The following DCAF11 variants were observed in gnomAD, a reference collection of about 807,000 sequenced individuals.
The protein encoded by DCAF11 is DDB1- and CUL4-associated factor 11.
In DCAF11, 44 loss-of-function variants were observed where a neutral mutation model predicts 76.1. The observed-to-expected ratio is 0.58, with a 90% CI of 0.45 to 0.74. DCAF11 has a LOEUF of 0.74. Among genes scored for constraint, DCAF11 ranks in the 30% least tolerant of loss-of-function variants. The pLI is 0.00. For synonymous variants in DCAF11, 258 were observed against 255.0 expected, an observed-to-expected ratio of 1.01 and a Z score of -0.11; for missense variants, 604 against 709.4, an observed-to-expected ratio of 0.85 and a Z score of 1.69.
chr14:24,118,821 C>G lies in DCAF11; in HGVS notation c.779+17C>G. ...GGATCTCAGGTACTGGCTTCCCTTT[C>G]TGGTCAGACTCATCAGAAACTTCTC... On this transcript the variant is annotated intron_variant, in intron 8 of 14. Transcript: ENST00000446197. The G allele has an allele frequency of 6.2e-7, 1 of 1,613,738 alleles. No homozygotes were observed. The highest frequency in any genetic ancestry group is 8.5e-7 in the Non-Finnish European group (1 of 1,179,744).
Position 24,117,394 on chromosome 14 carries a change from G to A in DCAF11, c.411+1G>A. The A allele has an allele frequency of 6.2e-7, 1 of 1,614,192 alleles. No individual in the cohort carries two copies. Among genetic ancestry groups the A allele is most frequent in the Non-Finnish European group, 8.5e-7 (1 of 1,180,022 alleles). ...CAGCTTTCCTCGAATGTTGCACCAGGTAGGCCTCTCCACCTCCCAGCCTGG... is the reference window on the plus strand; with the variant it reads ...CAGCTTTCCTCGAATGTTGCACCAGATAGGCCTCTCCACCTCCCAGCCTGG... On this transcript the variant is annotated splice_donor_variant, in intron 4 of 14. Coordinates refer to ENST00000446197, the MANE Select transcript of DCAF11 (RefSeq NM_025230.5). LOFTEE classifies it high-confidence loss of function. The surrounding 1 kb of genome is among the most constrained non-coding windows in gnomAD (Gnocchi z 4.3).
Position 24,115,106 on chromosome 14 carries a change from C to A in DCAF11, c.-401C>A, listed in dbSNP as rs2139006554. ...TGCTGCCGGCCTTTGTAAGGGGGCGCTCTGATTGGTCGATAAGGTGGGGGC... is the reference window on the plus strand; with the variant it reads ...TGCTGCCGGCCTTTGTAAGGGGGCGATCTGATTGGTCGATAAGGTGGGGGC... On this transcript the variant is annotated 5_prime_UTR_variant, in exon 1 of 15. Coordinates refer to ENST00000446197, the MANE Select transcript of DCAF11 (RefSeq NM_025230.5). 1.3e-6 allele frequency: 1 copy of A among 794,780 alleles called. No individual in the cohort carries two copies. The highest frequency in any genetic ancestry group is 1.5e-6 in the Non-Finnish European group (1 of 655,388). 49.2% of individuals were successfully genotyped at this position (794,780 alleles called of 1,614,324 possible).
chr14:24,119,837 C>T lies in DCAF11; in HGVS notation c.1033C>T (p.Pro345Ser). The T allele has an allele frequency of 6.2e-7, 1 of 1,614,102 alleles. No individual in the cohort carries two copies. The highest frequency in any genetic ancestry group is 8.5e-7 in the Non-Finnish European group (1 of 1,180,004). ...TCGACGCACCATGCGGGAGGATGAC[C>T]CCAAGCCTGTGGGTGCACTGGCTGG... Reference protein sequence around the residue: ...WDRRTMREDDPKPVGALAGHQ... With the variant: ...WDRRTMREDDSKPVGALAGHQ... Residue 345 changes from proline to serine, a missense_variant, in exon 11 of 15, where the codon CCC becomes TCC. By Grantham distance (74) the Pro-to-Ser change is moderately conservative. Coordinates refer to ENST00000446197, the MANE Select transcript of DCAF11 (RefSeq NM_025230.5).
chr14:24,120,034 G>A lies in DCAF11; in HGVS notation c.1092+138G>A, dbSNP rs535110190. 10 of 1,117,764 alleles carry A rather than the reference G, an allele frequency of 8.9e-6. No individual in the cohort carries two copies. The East Asian group carries it at 2.6e-4, about 29-fold the overall frequency. 69.2% of individuals were successfully genotyped at this position (1,117,764 alleles called of 1,614,324 possible). A position where few individuals can be genotyped will look rare whatever the true frequency, so the allele number is the denominator to read the frequency against. ...GTAAGAGTTGGAGTTTAGGGAAGGG[G>A]CTCAAGCCAGGGAACATGAATTCCA... On this transcript the variant is annotated intron_variant, in intron 11 of 14. Coordinates refer to ENST00000446197, the MANE Select transcript of DCAF11 (RefSeq NM_025230.5).
rs1594331223 is a variant in DCAF11, at chr14:24,115,520, G to A, written c.-75G>A. On this transcript the variant is annotated 5_prime_UTR_variant, in exon 2 of 15. Coordinates refer to ENST00000446197, the MANE Select transcript of DCAF11 (RefSeq NM_025230.5). ...GGAGACCCTGGTATTTCTAGAGCAC[G>A]CTTTGCTTTCACCAAACCCAAGGAG... 5.2e-6 allele frequency: 8 copies of A among 1,524,106 alleles called. No homozygotes were observed. The highest frequency in any genetic ancestry group is 7.0e-6 in the Non-Finnish European group (8 of 1,137,280). The allele number at this position is 1,524,106 out of a possible 1,614,324, so 94.4% of individuals were successfully genotyped here.
In DCAF11 at chr14:24,114,978, C is replaced by T. The variant is rs2037508596; in HGVS notation, c.-529C>T. 1.0e-6 allele frequency: 1 copy of T among 985,848 alleles called. No homozygotes were observed. The allele number at this position is 985,848 out of a possible 1,614,324, so 61.1% of individuals were successfully genotyped here. ...GCCGGCTTCAGTGGGAGGTGCTTCTCGGCTTCCTCCCCCTCATGGCGTACA... is the reference window on the plus strand; with the variant it reads ...GCCGGCTTCAGTGGGAGGTGCTTCTTGGCTTCCTCCCCCTCATGGCGTACA... On this transcript the variant is annotated 5_prime_UTR_variant, in exon 1 of 15. Transcript: ENST00000446197.
chr14:24,119,240 T>A (rs1236854923), intron 9 of DCAF11, 27 bp downstream of exon 9: 3 of 1,613,520 alleles, frequency 1.9e-6, no homozygotes, highest in African/African-American at 1.3e-5. Context: ...TATGTTTCCC[T>A]CAATAACAAG....
At position 24,117,331 on chromosome 14, in the gene DCAF11, A is replaced by G. The variant is rs1456626939; in HGVS notation, c.349A>G (p.Thr117Ala). 20 of 1,614,134 alleles carry G rather than the reference A, an allele frequency of 1.2e-5. No homozygotes were observed. The highest frequency in any genetic ancestry group is 1.6e-5 in the Non-Finnish European group (19 of 1,180,050). ...NEIKTQVELA[T>A]GQLGLRRAAQ... ...GATCAAGACACAAGTGGAACTGGCCACAGGGCAGCTGGGGCTTAGGCGGGC... is the reference window on the plus strand; with the variant it reads ...GATCAAGACACAAGTGGAACTGGCCGCAGGGCAGCTGGGGCTTAGGCGGGC... The change falls in exon 4 of 15, where the codon ACA becomes GCA. Residue 117 changes from threonine to alanine, a missense_variant. Thr to Ala is a moderately conservative substitution (Grantham distance 58). Transcript: ENST00000446197. The surrounding 1 kb of genome is among the most constrained non-coding windows in gnomAD (Gnocchi z 4.3).
In DCAF11 at chr14:24,121,445, T is replaced by G. The variant is rs1210538041; in HGVS notation, c.1327T>G (p.Cys443Gly). The G allele has an allele frequency of 6.2e-7, 1 of 1,614,212 alleles. No homozygotes were observed. The highest frequency in any genetic ancestry group is 8.5e-7 in the Non-Finnish European group (1 of 1,180,042). Reference protein sequence around the residue: ...GHGVLHTLIRCRFSPIHSTGQ... With the variant: ...GHGVLHTLIRGRFSPIHSTGQ... ...CGGAGTGCTGCACACCCTCATCCGC[T>G]GCCGGTTCTCCCCCATTCATAGCAC... The change falls in exon 13 of 15, where the codon TGC becomes GGC. Residue 443 changes from cysteine (C) to glycine (G), a missense_variant. Physicochemically the swap from Cys to Gly is radical, Grantham distance 159 (BLOSUM62 -3). Coordinates refer to ENST00000446197, the MANE Select transcript of DCAF11 (RefSeq NM_025230.5).
In DCAF11 at chr14:24,119,227, G is replaced by T. The variant is rs1316076664; in HGVS notation, c.848+14G>T. 1.2e-6 allele frequency: 2 copies of T among 1,613,960 alleles called. No homozygotes were observed. The highest frequency in any genetic ancestry group is 1.7e-6 in the Non-Finnish European group (2 of 1,180,000). On this transcript the variant is annotated intron_variant, in intron 9 of 14. Transcript: ENST00000446197. Reference sequence around the variant, plus strand: ...AGTACTAGGAGGGTAAGTGCTTGTGGGGTATGTTTCCCTCAATAACAAGAT... The same window carrying T: ...AGTACTAGGAGGGTAAGTGCTTGTGTGGTATGTTTCCCTCAATAACAAGAT...
Position 24,117,974 on chromosome 14 carries a change from C to T in DCAF11, c.477-81C>T, listed in dbSNP as rs938961445. ...AGGGAAGAATGACTGTTCTGATATT[C>T]CAGCTCTGTTAGGATTCTGCTGATT... On this transcript the variant is annotated intron_variant, in intron 5 of 14. Transcript: ENST00000446197. This position sits in a 1 kb window ranked among gnomAD's most constrained non-coding sequence, Gnocchi z 4.3. 3.7e-6 allele frequency: 4 copies of T among 1,067,376 alleles called. No homozygotes were observed. Among genetic ancestry groups the T allele is most frequent in the Non-Finnish European group, 4.2e-6 (3 of 716,066 alleles). 66.1% of individuals were successfully genotyped at this position (1,067,376 alleles called of 1,614,324 possible).
chr14:24,119,161 T>C lies in DCAF11; in HGVS notation c.796T>C (p.Phe266Leu). The C allele has an allele frequency of 6.2e-7, 1 of 1,614,182 alleles. No individual in the cohort carries two copies. The highest frequency in any genetic ancestry group is 8.5e-7 in the Non-Finnish European group (1 of 1,180,018). Residue 266 changes from phenylalanine to leucine, a missense_variant, in exon 9 of 15, where the codon TTT (phenylalanine) becomes CTT (leucine). Physicochemically the swap from Phe to Leu is conservative, Grantham distance 22. Transcript: ENST00000446197. The stretch of plus-strand genomic sequence containing the variant: ...TGCTTTTAGGCCAGATGAGCGTCGC[T>C]TTGCTGTCTTCTCCATTGCTGTCTC... The part of the protein sequence containing the change: ...ALDLRPDERR[F>L]AVFSIAVSSD...
At chr14:24,119,051 C>T (rs2037639271) in intron 8 of DCAF11, 94 bp from the exon 9 acceptor site, 2 of 1,519,612 alleles carry the variant, frequency 1.3e-6, no homozygotes, top group South Asian at 1.1e-5. Context: ...TTCTTTTTTC[C>T]CCTGGGGATG....
At chr14:24,122,914 AG>A in intron 13 of DCAF11, 56 bp from the exon 14 acceptor site, 7 of 1,515,914 alleles carry the variant, frequency 4.6e-6, no homozygotes, top group Non-Finnish European at 6.3e-6. Flanking sequence ...TGGGGAGGTG[AG>A]GGATAGTTTA....
chr14:24,123,246 G>A lies in DCAF11; in HGVS notation c.1578G>A (p.Glu526=). ...TCCAGGATGACATGCCAGAATCTGA[G>A]GAATGTGCCAGCGCCCCTGCCCCAG... The part of the protein sequence containing the change: ...EYFQDDMPES[E]ECASAPAPVP... The change falls in exon 15 of 15, where the codon GAG becomes GAA. Residue 526 remains glutamate, a synonymous_variant. Transcript: ENST00000446197. 8.9e-6 allele frequency: 14 copies of A among 1,570,310 alleles called. No homozygotes were observed. The highest frequency in any genetic ancestry group is 1.2e-5 in the Non-Finnish European group (14 of 1,156,634).
chr14:24,115,090 C>T lies in DCAF11; in HGVS notation c.-417C>T, dbSNP rs535029535. 1.4e-4 allele frequency: 130 copies of T among 917,458 alleles called. No individual in the cohort carries two copies. The African/African-American group carries it at 2.2e-3, about 16-fold the overall frequency. The allele number at this position is 917,458 out of a possible 1,614,324, so 56.8% of individuals were successfully genotyped here. On this transcript the variant is annotated 5_prime_UTR_variant, in exon 1 of 15. Transcript: ENST00000446197. ...TTTCATTGGCTGTCACTGCTGCCGGCCTTTGTAAGGGGGCGCTCTGATTGG... is the reference window on the plus strand; with the variant it reads ...TTTCATTGGCTGTCACTGCTGCCGGTCTTTGTAAGGGGGCGCTCTGATTGG...
rs543287452 is a variant in DCAF11 at position 24,122,328 on chromosome 14, G to A, written c.1400-643G>A. Among the ~76,000 whole-genome samples, 428 of 151,802 alleles carry A rather than the reference G, an allele frequency of 2.8e-3. 3 individuals carry two copies. The highest frequency in any genetic ancestry group is 9.8e-3 in the African/African-American group (407 of 41,422). ...AAAAATTAGCCAGGCATGGTGGCAGGCGCTGGTAATCACAAGCTACTTGGG... is the reference window on the plus strand; with the variant it reads ...AAAAATTAGCCAGGCATGGTGGCAGACGCTGGTAATCACAAGCTACTTGGG... On this transcript the variant is annotated intron_variant, in intron 13 of 14. Coordinates refer to ENST00000446197, the MANE Select transcript of DCAF11 (RefSeq NM_025230.5).
chr14:24,115,683 G>T lies in DCAF11; in HGVS notation c.89G>T (p.Ser30Ile). ...LPRRGAGLRR[S>I]EEEEEEDEDV... ...CGAAGAGGGGCTGGCCTGCGTCGGA[G>T]TGAGGAAGAGGAAGAAGAGGATGAA... Residue 30 changes from serine to isoleucine, a missense_variant, in exon 2 of 15, where the codon AGT (serine) becomes ATT (isoleucine). Transcript: ENST00000446197. 6.2e-7 allele frequency: 1 copy of T among 1,613,906 alleles called. No homozygotes were observed. Among genetic ancestry groups the T allele is most frequent in the Non-Finnish European group, 8.5e-7 (1 of 1,180,004 alleles).
intron 13 of DCAF11, among the ~76,000 whole-genome samples, chr14:24,122,341 C>A (rs2037706185): frequency 6.6e-6 from 1 of 151,772 alleles, no homozygotes; most frequent in South Asian, 2.1e-4. Flanking sequence ...CTGGTAATCA[C>A]AAGCTACTTG....
Sources: gnomAD v4.1 joint callset for allele counts (sites outside exome capture counted in the v4.1 genomes callset) on GRCh38, gnomAD v4.1.1 for gene constraint, Gnocchi (gnomAD v3.1) non-coding constraint, MANE v1.5 for transcripts, NCBI Gene and HGNC (gene_info 2026-07-23, HGNC 2026-07-21) for gene names.